LCA5: variants seen among roughly 807,000 people sequenced by gnomAD.
LCA5 encodes the protein lebercilin LCA5, also known as lebercilin.
LCA5 carries 37 observed loss-of-function variants against 53.0 expected under a neutral mutation model. That is an observed-to-expected ratio of 0.70 (90% CI 0.54 to 0.92). LCA5 has a LOEUF of 0.92. Among genes scored for constraint, LCA5 ranks in the 40% least tolerant of loss-of-function variants. LCA5 has a pLI of 0.00. For missense variants in LCA5, 806 were observed against 790.5 expected (o/e 1.02, Z -0.23); for synonymous variants, 303 against 282.9 (o/e 1.07, Z -0.71).
In LCA5 at chr6:79,485,470, A is replaced by G. The variant is rs923764798; in HGVS notation, c.*1534T>C. ...ACATATCAGACATACAAATCTATTA[A>G]GAAAACTTTTTAATATAGTTTAGCA... On this transcript the variant is annotated 3_prime_UTR_variant, in exon 8 of 8. Coordinates refer to ENST00000369846, the MANE Select transcript of LCA5 (RefSeq NM_001122769.3). 2.6e-5 allele frequency: 4 copies of G among 152,614 alleles called. No homozygotes were observed. Among genetic ancestry groups the G allele is most frequent in the African/African-American group, 9.6e-5 (4 of 41,468 alleles). 9.5% of individuals were successfully genotyped at this position (152,614 alleles called of 1,614,324 possible). A position where few individuals can be genotyped will look rare whatever the true frequency, so the allele number is the denominator to read the frequency against.
intron 1 of LCA5, among the ~76,000 whole-genome samples, chr6:79,528,997 G>A (rs1254280524): frequency 1.3e-5 from 2 of 152,180 alleles, no homozygotes; most frequent in East Asian, 1.9e-4. Context: ...CCCATTTAGG[G>A]GTTGGCTAGA....
chr6:79,502,963 C>T (rs998259405), intron 3 of LCA5, among the ~76,000 whole-genome samples: 2 of 152,108 alleles, frequency 1.3e-5, no homozygotes, highest in African/African-American at 4.8e-5. Context: ...TCATTGCAAC[C>T]TCCACTTCCC....
intron 1 of LCA5, among the ~76,000 whole-genome samples, chr6:79,534,790 C>T (rs889056170): frequency 3.9e-5 from 6 of 151,988 alleles, no homozygotes; most frequent in Non-Finnish European, 8.8e-5. Flanking sequence ...CAGTGAAGTA[C>T]GACCCTGTCT....
chr6:79,495,874 T>C (rs572321071), intron 3 of LCA5, among the ~76,000 whole-genome samples: 5 of 152,040 alleles, frequency 3.3e-5, no homozygotes, highest in African/African-American at 4.8e-5. Flanking sequence ...ACCGTGTTTA[T>C]TGAAAAAAAA....
intron 3 of LCA5, among the ~76,000 whole-genome samples, chr6:79,503,806 G>A (rs1054072260): frequency 6.6e-6 from 1 of 152,108 alleles, no homozygotes; most frequent in Non-Finnish European, 1.5e-5. Context: ...GTGCGCGCGT[G>A]CGCGTGCGTA....
intron 3 of LCA5, among the ~76,000 whole-genome samples, chr6:79,503,210 A>G (rs1326227663): frequency 6.6e-6 from 1 of 152,144 alleles, no homozygotes; most frequent in African/African-American, 2.4e-5. Flanking sequence ...TGTGACCTAG[A>G]AGAAGGCAAA....
At chr6:79,508,005 A>G (rs936164324) in intron 3 of LCA5, among the ~76,000 whole-genome samples, 3 of 152,160 alleles carry the variant, frequency 2.0e-5, no homozygotes, top group Non-Finnish European at 2.9e-5. Context: ...ATGTGACAAA[A>G]TATTAAATTG....
At chr6:79,533,813 A>G (rs1213805635) in intron 1 of LCA5, among the ~76,000 whole-genome samples, 1 of 151,818 alleles carries the variant, frequency 6.6e-6, no homozygotes, top group African/African-American at 2.4e-5. Flanking sequence ...AAAAAACTGT[A>G]AAATCAACAA....
At chr6:79,526,618 G>A (rs949203534) in intron 1 of LCA5, among the ~76,000 whole-genome samples, 1 of 152,078 alleles carries the variant, frequency 6.6e-6, no homozygotes, top group Non-Finnish European at 1.5e-5. Context: ...CAGACAATGG[G>A]AGCCCCTTTA....
rs981054003 is a variant in LCA5 at position 79,519,072 on chromosome 6, T to A, written c.-178A>T. 9 of 708,256 alleles carry A rather than the reference T, an allele frequency of 1.3e-5. No individual in the cohort carries two copies. The African/African-American group carries it at 1.6e-4, about 13-fold the overall frequency. 43.9% of individuals were successfully genotyped at this position (708,256 alleles called of 1,614,324 possible). A position where few individuals can be genotyped will look rare whatever the true frequency, so the allele number is the denominator to read the frequency against. On this transcript the variant is annotated 5_prime_UTR_variant, in exon 2 of 8. Coordinates refer to ENST00000369846, the MANE Select transcript of LCA5 (RefSeq NM_001122769.3). Reference sequence around the variant, plus strand: ...ACAATTCACATTGGCATCCAGAAGATAAACTTTTTTGCCCTGAAATTAAGG... The same window carrying A: ...ACAATTCACATTGGCATCCAGAAGAAAAACTTTTTTGCCCTGAAATTAAGG...
In LCA5 at chr6:79,491,630, C is replaced by A; in HGVS notation, c.1056G>T (p.Met352Ile). Residue 352 changes from methionine to isoleucine, a missense_variant, in exon 6 of 8, where the codon ATG becomes ATT. By Grantham distance (10) the Met-to-Ile change is conservative (BLOSUM62 1). Transcript: ENST00000369846. ...EEYPLTPETIMCYENKWEEPG... is the reference protein window; with the variant it reads ...EEYPLTPETIICYENKWEEPG... ...GTTCTTCCCATTTGTTTTCGTAACA[C>A]ATAATTGTTTCTGGAGTTAAAGGAT... 6.2e-7 allele frequency: 1 copy of A among 1,613,200 alleles called. No individual in the cohort carries two copies. The highest frequency in any genetic ancestry group is 8.5e-7 in the Non-Finnish European group (1 of 1,179,298).
intron 3 of LCA5, among the ~76,000 whole-genome samples, chr6:79,500,324 T>C (rs1385150657): frequency 1.3e-5 from 2 of 152,244 alleles, no homozygotes; most frequent in Non-Finnish European, 2.9e-5. Context: ...AATTCTGTCT[T>C]GTTAATGGAA....
chr6:79,494,208 C>A (rs182888346), intron 3 of LCA5, among the ~76,000 whole-genome samples: 74 of 151,618 alleles, frequency 4.9e-4, no homozygotes, highest in Admixed American at 4.9e-3. Flanking sequence ...GAAATGAAGC[C>A]TTGGTAGACA....
At chr6:79,495,416 G>C (rs947466090) in intron 3 of LCA5, among the ~76,000 whole-genome samples, 1 of 152,052 alleles carries the variant, frequency 6.6e-6, no homozygotes, top group African/African-American at 2.4e-5. Context: ...CCAAAATCCA[G>C]GCATACTCAA....
chr6:79,504,264 G>A (rs1380379511), intron 3 of LCA5, among the ~76,000 whole-genome samples: 4 of 152,208 alleles, frequency 2.6e-5, no homozygotes, highest in African/African-American at 9.6e-5. Flanking sequence ...AAAAACTTAC[G>A]TTTAATGCTT....
intron 1 of LCA5, among the ~76,000 whole-genome samples, chr6:79,533,997 A>G (rs1320632451): frequency 6.6e-6 from 1 of 150,884 alleles, no homozygotes; most frequent in African/African-American, 2.4e-5. Context: ...CCCGCAAAAA[A>G]GATGAGATAA....
chr6:79,491,853 C>T (rs908411654), intron 5 of LCA5, 123 bp from the exon 6 acceptor site: 6 of 755,484 alleles, frequency 7.9e-6, no homozygotes, highest in Admixed American at 4.2e-5. Flanking sequence ...TTTATATGCA[C>T]CACTTCATTT....
At chr6:79,525,733 C>T (rs901653470) in intron 1 of LCA5, among the ~76,000 whole-genome samples, 2 of 152,332 alleles carry the variant, frequency 1.3e-5, no homozygotes, top group Non-Finnish European at 1.5e-5. Flanking sequence ...ATCCGGAGGA[C>T]CCAGTAGGGC....
chr6:79,495,621 C>G lies in LCA5; in HGVS notation c.721-1871G>C, dbSNP rs377636008. 5.9e-5 allele frequency among the ~76,000 whole-genome samples: 9 copies of G among 151,826 alleles called. No homozygotes were observed. In the South Asian group the frequency reaches 1.9e-3, roughly 32 times the overall value. ...AAAAAATTAGCCAGGTGTGGTGGCACGCGCCTGTAGTCCCAGCTACTCGGG... is the reference window on the plus strand; with the variant it reads ...AAAAAATTAGCCAGGTGTGGTGGCAGGCGCCTGTAGTCCCAGCTACTCGGG... On this transcript the variant is annotated intron_variant, in intron 3 of 7. Coordinates refer to ENST00000369846, the MANE Select transcript of LCA5 (RefSeq NM_001122769.3).
Sources: gnomAD v4.1 joint callset for allele counts (sites outside exome capture counted in the v4.1 genomes callset) on GRCh38, gnomAD v4.1.1 for gene constraint, MANE v1.5 for transcripts, NCBI Gene and HGNC (gene_info 2026-07-23, HGNC 2026-07-21) for gene names.